The following GLI2 variants were observed in gnomAD, a reference collection of about 807,000 sequenced individuals.
The protein encoded by GLI2 is GLI family zinc finger 2, also known as transcription activator GLI2.
A neutral mutation model predicts 78.9 loss-of-function variants in GLI2; 22 were observed. The observed-to-expected ratio is 0.28, with a 90% CI of 0.20 to 0.40. The LOEUF is 0.40. GLI2 is among the 10% of genes least tolerant of loss of function. GLI2 has a pLI of 1.00. For missense variants in GLI2, 2,097 were observed against 2,213.2 expected (o/e 0.95, Z 1.05); for synonymous variants, 974 against 963.7 (o/e 1.01, Z -0.20).
intron 5 of GLI2, among the ~76,000 whole-genome samples, chr2:120,963,161 G>A (rs1336206702): frequency 6.6e-6 from 1 of 152,170 alleles, no homozygotes; most frequent in Non-Finnish European, 1.5e-5. Context: ...CTCCATTATT[G>A]ACTGGAGGCT....
intron 3 of GLI2, among the ~76,000 whole-genome samples, chr2:120,940,842 C>G (rs1680415578): frequency 6.6e-6 from 1 of 152,236 alleles, no homozygotes; most frequent in African/African-American, 2.4e-5. Flanking sequence ...GGGCATAGCA[C>G]TTGTCAGTCA....
intron 2 of GLI2, among the ~76,000 whole-genome samples, chr2:120,905,329 C>T (rs984045400): frequency 3.3e-5 from 5 of 152,102 alleles, no homozygotes; most frequent in African/African-American, 1.2e-4. Context: ...GGTGCCTGTC[C>T]CTGTGCATAC....
intron 5 of GLI2, among the ~76,000 whole-genome samples, chr2:120,957,540 C>T (rs182058217): frequency 1.2e-3 from 185 of 152,360 alleles, no homozygotes; most frequent in African/African-American, 4.3e-3. Context: ...CGAATGTCAG[C>T]TTCCTGCAAG....
chr2:120,878,525 C>A (rs891647254), intron 2 of GLI2, among the ~76,000 whole-genome samples: 3 of 151,686 alleles, frequency 2.0e-5, no homozygotes, highest in South Asian at 4.2e-4. Flanking sequence ...TGACATAGTA[C>A]AATATTAAAA....
chr2:120,984,409 G>T, intron 11 of GLI2, 62 bp from the exon 12 acceptor site: 1 of 1,548,700 alleles, frequency 6.5e-7, no homozygotes, highest in South Asian at 1.1e-5. Context: ...AACAGGGAGA[G>T]CGCCCCTTCA....
intron 1 of GLI2, among the ~76,000 whole-genome samples, chr2:120,781,043 A>G (rs1296740844): frequency 1.3e-5 from 2 of 152,112 alleles, no homozygotes; most frequent in Admixed American, 6.5e-5. Context: ...TCCACTCTGC[A>G]TGGGCCCTGG....
intron 2 of GLI2, among the ~76,000 whole-genome samples, chr2:120,829,444 C>G (rs1686250509): frequency 6.6e-6 from 1 of 152,108 alleles, no homozygotes; most frequent in Non-Finnish European, 1.5e-5. Flanking sequence ...TAGGGCTGAG[C>G]CCCAGCCCAG....
chr2:120,752,201 C>T (rs2104633668), intron 1 of GLI2, among the ~76,000 whole-genome samples: 1 of 152,178 alleles, frequency 6.6e-6, no homozygotes, highest in African/African-American at 2.4e-5. Context: ...GGCATTCTAT[C>T]CACGTGTGTA....
At chr2:120,942,998 A>T (rs1428292346) in intron 3 of GLI2, among the ~76,000 whole-genome samples, 1 of 152,134 alleles carries the variant, frequency 6.6e-6, no homozygotes, top group Non-Finnish European at 1.5e-5. Flanking sequence ...TCATTCATTC[A>T]TTCAGCACAC....
chr2:120,963,468 T>C (rs1471068570), intron 5 of GLI2, among the ~76,000 whole-genome samples: 1 of 152,284 alleles, frequency 6.6e-6, no homozygotes, highest in East Asian at 1.9e-4. Context: ...CGCACGCGCA[T>C]CCACCTGGGG....
chr2:120,902,750 C>A (rs1017796938), intron 2 of GLI2, among the ~76,000 whole-genome samples: 12 of 152,144 alleles, frequency 7.9e-5, no homozygotes, highest in African/African-American at 2.7e-4. Context: ...GCATCTGGTT[C>A]CTATTTTATT....
chr2:120,741,851 C>G (rs1476942088), intron 1 of GLI2, among the ~76,000 whole-genome samples: 1 of 152,178 alleles, frequency 6.6e-6, no homozygotes, highest in Non-Finnish European at 1.5e-5. Flanking sequence ...CGGCCGCCGC[C>G]GGCGAGTGGC....
At chr2:120,912,655 C>T (rs1018399140) in intron 2 of GLI2, among the ~76,000 whole-genome samples, 39 of 152,196 alleles carry the variant, frequency 2.6e-4, no homozygotes, top group Admixed American at 9.8e-4. Flanking sequence ...AAGTGTAACA[C>T]GGCTTGCCCG....
At chr2:120,809,735 C>A (rs2104723136) in intron 2 of GLI2, among the ~76,000 whole-genome samples, 1 of 152,270 alleles carries the variant, frequency 6.6e-6, no homozygotes, top group East Asian at 1.9e-4. Flanking sequence ...GCCTTCCCAT[C>A]TAATCTATAG....
chr2:120,988,670 T>A lies in GLI2; in HGVS notation c.2705T>A (p.Leu902Gln). 2.2e-6 allele frequency: 3 copies of A among 1,372,038 alleles called. No individual in the cohort carries two copies. The highest frequency in any genetic ancestry group is 2.8e-6 in the Non-Finnish European group (3 of 1,062,596). The allele number at this position is 1,372,038 out of a possible 1,614,324, so 85.0% of individuals were successfully genotyped here. A position where few individuals can be genotyped will look rare whatever the true frequency, so the allele number is the denominator to read the frequency against. ...ATGAGCCTGCGGACCAGGCTGGCGC[T>A]GCTGGACGCGCCCGAGCGCACGCTG... ...ERMSLRTRLA[L>Q]LDAPERTLPA... is the part of the protein sequence containing the mutation. Residue 902 changes from leucine to glutamine, a missense_variant, in exon 14 of 14, where the codon CTG becomes CAG. Coordinates refer to ENST00000361492, the MANE Select transcript of GLI2 (RefSeq NM_001374353.1).
At chr2:120,972,714 C>T in intron 8 of GLI2, 1 of 518,170 alleles carries the variant, frequency 1.9e-6, no homozygotes, top group South Asian at 1.4e-5. Flanking sequence ...TGATTCAATG[C>T]ACATTTGAGT....
chr2:120,976,246 G>A (rs1325661785), intron 9 of GLI2, among the ~76,000 whole-genome samples: 1 of 152,278 alleles, frequency 6.6e-6, no homozygotes, highest in East Asian at 1.9e-4. Context: ...GTCCAGAGGC[G>A]CTTGCTTCTC....
chr2:120,952,068 TAC>T (rs1392092589), intron 4 of GLI2, among the ~76,000 whole-genome samples: 11 of 152,240 alleles, frequency 7.2e-5, no homozygotes, highest in African/African-American at 2.4e-4. Context: ...TCTAAAGTTT[TAC>T]ACTTCTAGTC....
chr2:120,984,104 G>A (rs1053729208), intron 11 of GLI2, among the ~76,000 whole-genome samples: 1 of 152,118 alleles, frequency 6.6e-6, no homozygotes. Flanking sequence ...AATCAGGGGT[G>A]CTAGTGCTGT....
Sources: gnomAD v4.1 joint callset for allele counts (sites outside exome capture counted in the v4.1 genomes callset) on GRCh38, gnomAD v4.1.1 for gene constraint, MANE v1.5 for transcripts, NCBI Gene and HGNC (gene_info 2026-07-23, HGNC 2026-07-21) for gene names.